The following SLC24A3 variants were observed in gnomAD, a reference collection of about 807,000 sequenced individuals.
SLC24A3 encodes solute carrier family 24 member 3, also known as sodium/potassium/calcium exchanger 3.
Under a neutral mutation model 75.8 loss-of-function variants are expected in SLC24A3, and 28 were observed. The ratio of observed to expected loss-of-function variants is 0.37; its 90% confidence interval spans 0.27 to 0.51. The LOEUF (loss-of-function observed/expected upper bound fraction) is 0.51, where lower values mean the gene tolerates loss of function less well. Among genes scored for constraint, SLC24A3 ranks in the 20% least tolerant of loss-of-function variants. SLC24A3 has a pLI of 0.94. For missense variants in SLC24A3, 663 were observed against 847.8 expected (o/e 0.78, Z 2.71); for synonymous variants, 372 against 334.1 (o/e 1.11, Z -1.24).
At chr20:19,383,928 G>A (rs537056814) in intron 2 of SLC24A3, among the ~76,000 whole-genome samples, 86 of 152,136 alleles carry the variant, frequency 5.7e-4, no homozygotes, top group East Asian at 1.4e-3. Flanking sequence ...GGGGATTAGC[G>A]ATTCAATTGT....
At chr20:19,686,269 G>A (rs906224107) in intron 12 of SLC24A3, among the ~76,000 whole-genome samples, 5 of 152,184 alleles carry the variant, frequency 3.3e-5, no homozygotes, top group African/African-American at 9.7e-5. Flanking sequence ...GCCAAGGCCA[G>A]CCTGGTGGAT....
intron 6 of SLC24A3, among the ~76,000 whole-genome samples, chr20:19,639,643 C>A (rs1157219013): frequency 6.6e-6 from 1 of 152,252 alleles, no homozygotes; most frequent in Non-Finnish European, 1.5e-5. Flanking sequence ...CTCCTCAGCC[C>A]TTGGGTGGTC....
chr20:19,693,345 C>T lies in SLC24A3; in HGVS notation c.1411C>T (p.Arg471Cys), dbSNP rs1270308072. Residue 471 changes from arginine to cysteine, a missense_variant, in exon 13 of 17, where the codon CGC becomes TGC. Transcript: ENST00000328041. ...CACTGTACCCAACTGCAACAAGCCG[C>T]GCTGGGAGAAATGGTTCATGGTGAC... The part of the protein sequence containing the change: ...YFTVPNCNKP[R>C]WEKWFMVTFA... 1 of 1,614,014 alleles carries T rather than the reference C, an allele frequency of 6.2e-7. No homozygotes were observed. Among genetic ancestry groups the T allele is most frequent in the African/African-American group, 1.3e-5 (1 of 74,908 alleles).
chr20:19,685,511 C>A, intron 12 of SLC24A3, 150 bp downstream of exon 12: 3 of 1,325,034 alleles, frequency 2.3e-6, no homozygotes, highest in Non-Finnish European at 2.1e-6. Flanking sequence ...TTGGGCAGGA[C>A]TTTGTTGTAG....
intron 3 of SLC24A3, among the ~76,000 whole-genome samples, chr20:19,538,682 T>G (rs1344471931): frequency 6.6e-6 from 1 of 152,196 alleles, no homozygotes; most frequent in African/African-American, 2.4e-5. Flanking sequence ...GGAACATAAA[T>G]TGATGCACTC....
chr20:19,543,658 A>C (rs2030539329), intron 3 of SLC24A3, among the ~76,000 whole-genome samples: 2 of 152,224 alleles, frequency 1.3e-5, no homozygotes, highest in Admixed American at 1.3e-4. Context: ...CATAGGCCAC[A>C]GAGGAAGTCT....
intron 2 of SLC24A3, among the ~76,000 whole-genome samples, chr20:19,496,229 C>T (rs768186907): frequency 6.6e-5 from 10 of 152,154 alleles, no homozygotes; most frequent in Non-Finnish European, 1.3e-4. Flanking sequence ...TAGCATCAGT[C>T]CATCCTCAAC....
intron 6 of SLC24A3, among the ~76,000 whole-genome samples, chr20:19,637,240 G>T (rs1171281972): frequency 6.6e-6 from 1 of 152,248 alleles, no homozygotes; most frequent in Non-Finnish European, 1.5e-5. Flanking sequence ...GGTGAAGGTT[G>T]CAGTGAGCCA....
chr20:19,489,555 C>G (rs907129062), intron 2 of SLC24A3, among the ~76,000 whole-genome samples: 2 of 152,140 alleles, frequency 1.3e-5, no homozygotes, highest in African/African-American at 2.4e-5. Context: ...TCATATTTCT[C>G]TCTTTTATGG....
At chr20:19,664,360 G>A (rs1021700217) in intron 7 of SLC24A3, among the ~76,000 whole-genome samples, 104 of 152,186 alleles carry the variant, frequency 6.8e-4, no homozygotes, top group African/African-American at 2.5e-3. Context: ...GCCCATTCTA[G>A]TTTGACATTG....
rs201447882 is a variant in SLC24A3 at position 19,388,571 on chromosome 20, C to T, written c.271+107484C>T. On this transcript the variant is annotated intron_variant, in intron 2 of 16. Transcript: ENST00000328041. ...CTAGAAATACAAAAAATTAGCCGGG[C>T]GTGGTGGTGGGTGCCTGTAGTCCCA... Among the ~76,000 whole-genome samples, 7 of 152,010 alleles carry T rather than the reference C, an allele frequency of 4.6e-5. No homozygotes were observed. In the East Asian group the frequency reaches 7.7e-4, roughly 17 times the overall value.
At chr20:19,412,405 G>T (rs1986758137) in intron 2 of SLC24A3, among the ~76,000 whole-genome samples, 1 of 151,906 alleles carries the variant, frequency 6.6e-6, no homozygotes, top group Middle Eastern at 3.2e-3. Context: ...AAGAAGAAAA[G>T]AAAAAGAAGG....
At chr20:19,232,054 A>T (rs907717326) in intron 1 of SLC24A3, among the ~76,000 whole-genome samples, 1 of 152,222 alleles carries the variant, frequency 6.6e-6, no homozygotes, top group Non-Finnish European at 1.5e-5. Flanking sequence ...TTCCCAGGTG[A>T]CATTGTACCA....
intron 3 of SLC24A3, among the ~76,000 whole-genome samples, chr20:19,570,844 G>A (rs915340657): frequency 6.6e-6 from 1 of 152,118 alleles, no homozygotes; most frequent in African/African-American, 2.4e-5. Flanking sequence ...TGAGAACAAG[G>A]ATGTAATTTG....
At chr20:19,287,331 T>C (rs527441024) in intron 2 of SLC24A3, among the ~76,000 whole-genome samples, 1 of 152,344 alleles carries the variant, frequency 6.6e-6, no homozygotes, top group South Asian at 2.1e-4. Context: ...TGCTCACCGA[T>C]GCTCACATTC....
At chr20:19,395,473 A>G (rs575613305) in intron 2 of SLC24A3, among the ~76,000 whole-genome samples, 1 of 152,180 alleles carries the variant, frequency 6.6e-6, no homozygotes, top group Non-Finnish European at 1.5e-5. Flanking sequence ...TGTGTTTGCA[A>G]ATGTGTGTGT....
intron 6 of SLC24A3, among the ~76,000 whole-genome samples, chr20:19,605,111 G>A (rs6081677): frequency 0.16 from 23,734 of 152,128 alleles, 1,889 homozygotes; most frequent in East Asian, 0.26. Context: ...AAAAAAACAC[G>A]TTGGCCTCAT....
intron 8 of SLC24A3, among the ~76,000 whole-genome samples, chr20:19,667,809 A>G (rs1293379251): frequency 1.3e-5 from 2 of 152,064 alleles, no homozygotes; most frequent in Admixed American, 1.3e-4. Flanking sequence ...AGGAGTGTCT[A>G]TTTCATCTTC....
At chr20:19,480,139 T>C (rs1415541602) in intron 2 of SLC24A3, among the ~76,000 whole-genome samples, 1 of 152,212 alleles carries the variant, frequency 6.6e-6, no homozygotes, top group Admixed American at 6.5e-5. Flanking sequence ...CGTTTTTTGC[T>C]ACCTCTTTTG....
Sources: allele counts gnomAD v4.1 joint callset (sites outside exome capture counted in the v4.1 genomes callset), GRCh38; gene constraint gnomAD v4.1.1; transcripts MANE v1.5; gene names NCBI Gene and HGNC (gene_info 2026-07-23, HGNC 2026-07-21).